Variants in MPHOSPH6 observed in about 807,000 individuals in gnomAD.
MPHOSPH6 encodes M-phase phosphoprotein 6.
In MPHOSPH6, 25 loss-of-function variants were observed where a neutral mutation model predicts 21.8. The ratio of observed to expected loss-of-function variants is 1.15; its 90% CI spans 0.83 to 1.60. The LOEUF (loss-of-function observed/expected upper bound fraction) is 1.60. Ranked by LOEUF, MPHOSPH6 falls within the 40% of genes most tolerant of loss-of-function variation. MPHOSPH6 has a pLI of 0.00. For missense variants in MPHOSPH6, 269 were observed against 181.8 expected (o/e 1.48, Z -2.76); for synonymous variants, 84 against 56.5 (o/e 1.49, Z -2.18).
intron 3 of MPHOSPH6, 81 bp downstream of exon 3, chr16:82,151,343 G>T: frequency 6.4e-7 from 1 of 1,562,154 alleles, no homozygotes; most frequent in South Asian, 1.2e-5. Flanking sequence ...GGTACCTGGT[G>T]GAGAAACACC....
At chr16:82,169,166 G>C (rs543200099) in intron 1 of MPHOSPH6, among the ~76,000 whole-genome samples, 134 of 152,192 alleles carry the variant, frequency 8.8e-4, no homozygotes, top group African/African-American at 3.2e-3. Context: ...GCTTTCCATT[G>C]CTCACAAAAT....
chr16:82,163,552 T>C (rs1295000382), intron 2 of MPHOSPH6, among the ~76,000 whole-genome samples: 1 of 152,200 alleles, frequency 6.6e-6, no homozygotes, highest in Non-Finnish European at 1.5e-5. Context: ...GTTCCTAAGT[T>C]TGCTACGAAG....
At chr16:82,167,804 C>A (rs544381316) in intron 1 of MPHOSPH6, among the ~76,000 whole-genome samples, 1 of 152,164 alleles carries the variant, frequency 6.6e-6, no homozygotes, top group African/African-American at 2.4e-5. Context: ...AAGTTTCGCT[C>A]GCTTGCCTGC....
intron 1 of MPHOSPH6, among the ~76,000 whole-genome samples, chr16:82,166,094 C>T (rs1220085614): frequency 5.3e-5 from 8 of 152,252 alleles, no homozygotes; most frequent in Admixed American, 3.3e-4. Flanking sequence ...CGTCAGCTCA[C>T]TGTCAATGTC....
rs528384466 is a variant in MPHOSPH6 at position 82,170,113 on chromosome 16, G to C, written c.51+12C>G. ...CCTACCGCCCGGAGTGGCGCTCTCA[G>C]CGTCCCCGCACCTTCATGCGCAGTA... is the stretch of plus-strand genomic sequence containing the variant. On this transcript the variant is annotated intron_variant, in intron 1 of 4. Coordinates refer to ENST00000258169, the MANE Select transcript of MPHOSPH6 (RefSeq NM_005792.2). 1.9e-6 allele frequency: 3 copies of C among 1,588,896 alleles called. No individual in the cohort carries two copies. Among genetic ancestry groups the C allele is most frequent in the South Asian group, 2.3e-5 (2 of 88,368 alleles).
intron 1 of MPHOSPH6, chr16:82,164,505 C>A (rs1373987806): frequency 2.5e-5 from 6 of 241,886 alleles, no homozygotes; most frequent in Non-Finnish European, 4.7e-5. Context: ...ACCTGCTGAT[C>A]TGGGGTTGAA....
At chr16:82,154,757 C>A (rs1483732568) in intron 2 of MPHOSPH6, among the ~76,000 whole-genome samples, 1 of 152,052 alleles carries the variant, frequency 6.6e-6, no homozygotes, top group African/African-American at 2.4e-5. Flanking sequence ...TACTAAAAAT[C>A]TTTTCACAGA....
At chr16:82,157,343 C>T (rs1906460618) in intron 2 of MPHOSPH6, among the ~76,000 whole-genome samples, 1 of 152,104 alleles carries the variant, frequency 6.6e-6, no homozygotes, top group South Asian at 2.1e-4. Flanking sequence ...ACTGATGTTC[C>T]AAAACAAGGA....
rs539754610 is a variant in MPHOSPH6 at position 82,157,565 on chromosome 16, G to T, written c.165-6051C>A. Among the ~76,000 whole-genome samples, 5 of 152,300 alleles carry T rather than the reference G, an allele frequency of 3.3e-5. No homozygotes were observed. In the South Asian group the frequency reaches 1.0e-3, roughly 32 times the overall value. On this transcript the variant is annotated intron_variant, in intron 2 of 4. Transcript: ENST00000258169. ...TGATAGGAGTATGGTTTACAAAGATGCATGCACTATCAAAACACATACAGC... is the reference window on the plus strand; with the variant it reads ...TGATAGGAGTATGGTTTACAAAGATTCATGCACTATCAAAACACATACAGC...
chr16:82,160,814 A>C (rs1253680072), intron 2 of MPHOSPH6, among the ~76,000 whole-genome samples: 1 of 152,142 alleles, frequency 6.6e-6, no homozygotes, highest in Non-Finnish European at 1.5e-5. Flanking sequence ...CTACTCCCAA[A>C]ATATGGCATC....
intron 2 of MPHOSPH6, among the ~76,000 whole-genome samples, chr16:82,157,298 T>C (rs1906459371): frequency 6.6e-6 from 1 of 152,230 alleles, no homozygotes; most frequent in Non-Finnish European, 1.5e-5. Flanking sequence ...GGTGTATCTG[T>C]AAAATGAAAT....
chr16:82,162,804 T>C (rs1303006672), intron 2 of MPHOSPH6, among the ~76,000 whole-genome samples: 3 of 152,254 alleles, frequency 2.0e-5, no homozygotes, highest in African/African-American at 4.8e-5. Context: ...AGGCATTATT[T>C]ACCTTCCCAG....
At chr16:82,162,851 C>T (rs1906649690) in intron 2 of MPHOSPH6, among the ~76,000 whole-genome samples, 3 of 152,200 alleles carry the variant, frequency 2.0e-5, no homozygotes, top group African/African-American at 4.8e-5. Flanking sequence ...GAATAATATG[C>T]TGTATTAGGG....
intron 3 of MPHOSPH6, among the ~76,000 whole-genome samples, chr16:82,150,079 C>T (rs984160871): frequency 1.4e-5 from 2 of 146,210 alleles, no homozygotes; most frequent in Non-Finnish European, 3.0e-5. Flanking sequence ...GATGAGAAAT[C>T]AGTCTTAACT....
intron 2 of MPHOSPH6, among the ~76,000 whole-genome samples, chr16:82,156,298 A>G (rs1906426409): frequency 6.6e-6 from 1 of 152,242 alleles, no homozygotes; most frequent in Non-Finnish European, 1.5e-5. Context: ...GCTTGAGTTA[A>G]TGATGTGCAT....
At chr16:82,162,095 C>G (rs759065690) in intron 2 of MPHOSPH6, 3 of 152,318 alleles carry the variant, frequency 2.0e-5, no homozygotes, top group Non-Finnish European at 4.4e-5. Flanking sequence ...TGCTTTATGC[C>G]TGGTGTTATG....
In MPHOSPH6 at chr16:82,165,685, A is replaced by G. The variant is rs777108215; in HGVS notation, c.52-1491T>C. 8.1e-4 allele frequency among the ~76,000 whole-genome samples: 124 copies of G among 152,222 alleles called. 1 individual carries two copies. The highest frequency in any genetic ancestry group is 2.3e-3 in the Admixed American group (35 of 15,286). ...GATACACAGACACCACTGTGTTACA[A>G]CTGCCTACAGTATTCAGTACAGTAG... On this transcript the variant is annotated intron_variant, in intron 1 of 4. Transcript: ENST00000258169.
chr16:82,157,124 T>C (rs1906452762), intron 2 of MPHOSPH6, among the ~76,000 whole-genome samples: 1 of 152,098 alleles, frequency 6.6e-6, no homozygotes, highest in African/African-American at 2.4e-5. Context: ...TTAACATTAT[T>C]AGTCATCAGG....
rs187222580 is a variant in MPHOSPH6 at position 82,159,474 on chromosome 16, G to A, written c.164+4608C>T. ...GGCTGGAGTGCAGTAGCGCAATCTC[G>A]GCTCAATGCAACCTCCGCCTCCTGG... On this transcript the variant is annotated intron_variant, in intron 2 of 4. Transcript: ENST00000258169. Among the ~76,000 whole-genome samples, 165 of 151,890 alleles carry A rather than the reference G, an allele frequency of 1.1e-3. 1 individual carries two copies. In the East Asian group the frequency reaches 0.021, roughly 19 times the overall value.
Sources: allele counts gnomAD v4.1 joint callset (sites outside exome capture counted in the v4.1 genomes callset), GRCh38; gene constraint gnomAD v4.1.1; transcripts MANE v1.5; gene names NCBI Gene and HGNC (gene_info 2026-07-23, HGNC 2026-07-21).